Variants in TRIM38 observed in about 807,000 individuals in gnomAD.
The protein encoded by TRIM38 is E3 ubiquitin-protein ligase TRIM38.
TRIM38 carries 35 observed loss-of-function variants against 35.8 expected under a neutral mutation model. The ratio of observed to expected loss-of-function variants is 0.98; its 90% CI spans 0.75 to 1.30. The LOEUF is 1.30. Among genes scored for constraint, TRIM38 ranks in the 50% most tolerant of loss-of-function variants. TRIM38 has a pLI of 0.00. For synonymous variants in TRIM38, 198 were observed against 204.7 expected (o/e 0.97, Z 0.28); for missense variants, 545 against 556.9 (o/e 0.98, Z 0.21).
chr6:25,971,805 C>A, intron 4 of TRIM38, 64 bp from the exon 5 acceptor site: 2 of 1,355,302 alleles, frequency 1.5e-6, no homozygotes, highest in Non-Finnish European at 2.1e-6. Context: ...TCTTGTTTAT[C>A]CATTCATCCA....
rs1759899278 is a variant in TRIM38, at chr6:25,963,054, A to T, written c.-417A>T. ...CCTGCTCTTTCTTTCACCAGACTTTACACCAAATCTCAGAAGATTCAGAAC... is the reference window on the plus strand; with the variant it reads ...CCTGCTCTTTCTTTCACCAGACTTTTCACCAAATCTCAGAAGATTCAGAAC... On this transcript the variant is annotated 5_prime_UTR_variant, in exon 2 of 8. Transcript: ENST00000357085. 6.6e-6 allele frequency: 1 copy of T among 152,320 alleles called. No homozygotes were observed. Among genetic ancestry groups the T allele is most frequent in the South Asian group, 2.1e-4 (1 of 4,816 alleles). 9.4% of individuals were successfully genotyped at this position (152,320 alleles called of 1,614,324 possible). A position where few individuals can be genotyped will look rare whatever the true frequency, so the allele number is the denominator to read the frequency against.
intron 7 of TRIM38, among the ~76,000 whole-genome samples, chr6:25,977,283 C>T (rs1360369395): frequency 6.6e-6 from 1 of 152,144 alleles, no homozygotes; most frequent in Non-Finnish European, 1.5e-5. Flanking sequence ...GAGACTAGGG[C>T]AGGAGGATCT....
At chr6:25,973,133 A>T (rs1760289153) in intron 6 of TRIM38, 40 bp from the exon 7 acceptor site, 1 of 1,614,136 alleles carries the variant, frequency 6.2e-7, no homozygotes, top group Non-Finnish European at 8.5e-7. Flanking sequence ...AATGAATGGA[A>T]TGCACCTCTG....
Position 25,966,834 on chromosome 6 carries a change from C to T in TRIM38, c.312C>T (p.Cys104=), listed in dbSNP as rs774186878. 45 of 1,614,126 alleles carry T rather than the reference C, an allele frequency of 2.8e-5. 1 individual carries two copies. In the South Asian group the frequency reaches 3.0e-4, roughly 11 times the overall value. Residue 104 remains cysteine, a synonymous_variant, in exon 3 of 8, where the codon TGC becomes TGT. Transcript: ENST00000357085. ...EEHGEQFHLF[C]EDEGQLICWR... ...ACGGAGAGCAGTTCCACCTGTTCTGCGAAGACGAGGGGCAGCTCATCTGCT... is the reference window on the plus strand; with the variant it reads ...ACGGAGAGCAGTTCCACCTGTTCTGTGAAGACGAGGGGCAGCTCATCTGCT...
chr6:25,964,867 A>G (rs1474678372), intron 2 of TRIM38, among the ~76,000 whole-genome samples: 2 of 149,986 alleles, frequency 1.3e-5, no homozygotes, highest in Admixed American at 6.7e-5. Flanking sequence ...GCTGGAGTGC[A>G]GTGGTGTAAT....
rs376560884 is a variant in TRIM38, at chr6:25,969,304, C to G, written c.412-21C>G. On this transcript the variant is annotated intron_variant, in intron 3 of 7. Transcript: ENST00000357085. ...GAAGAGTCAAATTGAATAGGCTTCA[C>G]TTATCAAATTTTTCCTTCAGGAAAA... 1.9e-6 allele frequency: 3 copies of G among 1,602,882 alleles called. No homozygotes were observed. The East Asian group carries it at 6.7e-5, about 36-fold the overall frequency.
In TRIM38 at chr6:25,972,047, A is replaced by C. The variant is rs1174110411; in HGVS notation, c.686A>C (p.His229Pro). ...LGLKSNELKS[H>P]ILELEEKCQG... Reference sequence around the variant, plus strand: ...CTGAAGAGCAATGAACTCAAGAGCCACATCCTGGAACTGGAGGAAAAATGT... The same window carrying C: ...CTGAAGAGCAATGAACTCAAGAGCCCCATCCTGGAACTGGAGGAAAAATGT... Residue 229 changes from histidine (H) to proline (P), a missense_variant, in exon 5 of 8, where the codon CAC (histidine) becomes CCC (proline). His to Pro is a moderately conservative substitution (Grantham distance 77). Coordinates refer to ENST00000357085, the MANE Select transcript of TRIM38 (RefSeq NM_006355.5). 1 of 1,614,092 alleles carries C rather than the reference A, an allele frequency of 6.2e-7. No homozygotes were observed. Among genetic ancestry groups the C allele is most frequent in the Non-Finnish European group, 8.5e-7 (1 of 1,180,040 alleles).
Position 25,970,134 on chromosome 6 carries a change from T to C in TRIM38, c.507+714T>C, listed in dbSNP as rs575411946. Among the ~76,000 whole-genome samples the C allele has an allele frequency of 4.6e-5, 7 of 152,152 alleles. No individual in the cohort carries two copies. The South Asian group carries it at 1.5e-3, about 32-fold the overall frequency. Reference sequence around the variant, plus strand: ...GGTTTCACCATGTTGGCCAGGATGGTCTTGATCTCCTGACCTCGTGATTCA... The same window carrying C: ...GGTTTCACCATGTTGGCCAGGATGGCCTTGATCTCCTGACCTCGTGATTCA... On this transcript the variant is annotated intron_variant, in intron 4 of 7. Transcript: ENST00000357085.
Position 25,969,417 on chromosome 6 carries a change from G to C in TRIM38, c.504G>C (p.Trp168Cys), listed in dbSNP as rs1202728965. ...KLSTAMRITK[W>C]KEKVQIQRQK... is the part of the protein sequence containing the mutation. Reference sequence around the variant, plus strand: ...CCACAGCAATGCGAATAACTAAATGGAAAGTAAGAATCTGACTTCATTGAT... The same window carrying C: ...CCACAGCAATGCGAATAACTAAATGCAAAGTAAGAATCTGACTTCATTGAT... The change falls in exon 4 of 8, where the codon TGG (tryptophan) becomes TGC (cysteine). Residue 168 changes from tryptophan to cysteine, a missense_variant. Trp to Cys is a radical substitution (Grantham distance 215). Coordinates refer to ENST00000357085, the MANE Select transcript of TRIM38 (RefSeq NM_006355.5). 3 of 1,605,744 alleles carry C rather than the reference G, an allele frequency of 1.9e-6. No homozygotes were observed. The East Asian group carries it at 6.7e-5, about 36-fold the overall frequency.
At chr6:25,974,139 A>G (rs1184749206) in intron 7 of TRIM38, among the ~76,000 whole-genome samples, 1 of 152,224 alleles carries the variant, frequency 6.6e-6, no homozygotes, top group Non-Finnish European at 1.5e-5. Flanking sequence ...AGGGTCTGAT[A>G]AGGCTGCAGT....
chr6:25,985,309 A>AAAG lies in TRIM38; in HGVS notation c.*1624_*1625insGAA, dbSNP rs1554143479. The stretch of plus-strand genomic sequence containing the variant: ...CTTTTTTTTTAAAAAAAAAAAAAAA[A>AAAG]AAAGGGAAAGAAAAAGTTGCCTTCC... On this transcript the variant is annotated 3_prime_UTR_variant, in exon 8 of 8. Coordinates refer to ENST00000357085, the MANE Select transcript of TRIM38 (RefSeq NM_006355.5). 7 of 150,872 alleles carry AAAG rather than the reference A, an allele frequency of 4.6e-5. No homozygotes were observed. Among genetic ancestry groups the AAAG allele is most frequent in the African/African-American group, 1.7e-4 (7 of 40,684 alleles). 9.3% of individuals were successfully genotyped at this position (150,872 alleles called of 1,614,324 possible). A position where few individuals can be genotyped will look rare whatever the true frequency, so the allele number is the denominator to read the frequency against.
At chr6:25,968,527 T>C (rs769653599) in intron 3 of TRIM38, among the ~76,000 whole-genome samples, 1 of 152,188 alleles carries the variant, frequency 6.6e-6, no homozygotes, top group Non-Finnish European at 1.5e-5. Flanking sequence ...ACTTGGCATA[T>C]AGTAAGGACA....
At chr6:25,975,571 C>T (rs1037757601) in intron 7 of TRIM38, 174 of 961,064 alleles carry the variant, frequency 1.8e-4, no homozygotes, top group Admixed American at 6.8e-4. Flanking sequence ...TTTTACATTG[C>T]CTTCAAGCAG....
At chr6:25,975,567 A>G (rs1760366794) in intron 7 of TRIM38, 1 of 955,362 alleles carries the variant, frequency 1.0e-6, no homozygotes, top group South Asian at 4.8e-5. Flanking sequence ...TTTATTTTAC[A>G]TTGCCTTCAA....
At position 25,972,047 on chromosome 6, in the gene TRIM38, A is replaced by G. The variant is rs1174110411; in HGVS notation, c.686A>G (p.His229Arg). 1.2e-6 allele frequency: 2 copies of G among 1,614,092 alleles called. No homozygotes were observed. Among genetic ancestry groups the G allele is most frequent in the Non-Finnish European group, 1.7e-6 (2 of 1,180,040 alleles). Residue 229 changes from histidine to arginine, a missense_variant, in exon 5 of 8, where the codon CAC (histidine) becomes CGC (arginine). Physicochemically the swap from His to Arg is conservative, Grantham distance 29. Transcript: ENST00000357085. ...LGLKSNELKSHILELEEKCQG... is the reference protein window; with the variant it reads ...LGLKSNELKSRILELEEKCQG... ...CTGAAGAGCAATGAACTCAAGAGCCACATCCTGGAACTGGAGGAAAAATGT... is the reference window on the plus strand; with the variant it reads ...CTGAAGAGCAATGAACTCAAGAGCCGCATCCTGGAACTGGAGGAAAAATGT...
In TRIM38 at chr6:25,966,709, C is replaced by A; in HGVS notation, c.187C>A (p.Arg63=). 1.2e-6 allele frequency: 2 copies of A among 1,614,180 alleles called. No homozygotes were observed. The highest frequency in any genetic ancestry group is 1.7e-6 in the Non-Finnish European group (2 of 1,180,034). The change falls in exon 3 of 8, where the codon CGG becomes AGG. Residue 63 remains arginine (R), a synonymous_variant. Coordinates refer to ENST00000357085, the MANE Select transcript of TRIM38 (RefSeq NM_006355.5). ...GGAGACATTCTGCTGTCCCCAGTGTCGGGCTCCATTTCATATGGATAGCCT... is the reference window on the plus strand; with the variant it reads ...GGAGACATTCTGCTGTCCCCAGTGTAGGGCTCCATTTCATATGGATAGCCT... ...RQETFCCPQC[R]APFHMDSLRP... is the part of the protein sequence containing the mutation.
chr6:25,964,208 T>A (rs1292051053), intron 2 of TRIM38, among the ~76,000 whole-genome samples: 1 of 152,244 alleles, frequency 6.6e-6, no homozygotes, highest in African/African-American at 2.4e-5. Flanking sequence ...ATAGCCTTAT[T>A]TATAAATACT....
chr6:25,964,052 C>T (rs918149236), intron 2 of TRIM38, among the ~76,000 whole-genome samples: 2 of 152,084 alleles, frequency 1.3e-5, no homozygotes, highest in Non-Finnish European at 1.5e-5. Context: ...CAAGGGAACA[C>T]TTCCCCTTTG....
At position 25,985,025 on chromosome 6, in the gene TRIM38, A is replaced by AATTATGATG. The variant is rs1246441489; in HGVS notation, c.*1341_*1349dup. On this transcript the variant is annotated 3_prime_UTR_variant, in exon 8 of 8. Coordinates refer to ENST00000357085, the MANE Select transcript of TRIM38 (RefSeq NM_006355.5). ...CATGTTCCCCAGGGTCAGAAGTTCT[A>AATTATGATG]ATTATGATGATAGAGGCTGGGTTGT... is the stretch of plus-strand genomic sequence containing the variant. 6.6e-6 allele frequency: 1 copy of AATTATGATG among 152,342 alleles called. No homozygotes were observed. The highest frequency in any genetic ancestry group is 2.4e-5 in the African/African-American group (1 of 41,460). The allele number at this position is 152,342 out of a possible 1,614,324, so 9.4% of individuals were successfully genotyped here.
Sources: allele counts gnomAD v4.1 joint callset (sites outside exome capture counted in the v4.1 genomes callset), GRCh38; gene constraint gnomAD v4.1.1; transcripts MANE v1.5; gene names NCBI Gene and HGNC (gene_info 2026-07-23, HGNC 2026-07-21).